RTN1: variants seen among roughly 807,000 people sequenced by gnomAD.
The protein encoded by RTN1 is reticulon 1.
Under a neutral mutation model 65.5 loss-of-function variants are expected in RTN1, and 25 were observed. The ratio of observed to expected loss-of-function variants is 0.38; its 90% CI spans 0.28 to 0.53. RTN1 has a LOEUF of 0.53. RTN1 is among the 20% of genes least tolerant of loss of function. The pLI, the probability that RTN1 is intolerant of heterozygous loss-of-function variation, is 0.79. For missense variants in RTN1, 983 were observed against 1,025.4 expected (o/e 0.96, Z 0.57); for synonymous variants, 471 against 447.6 (o/e 1.05, Z -0.66).
intron 3 of RTN1, among the ~76,000 whole-genome samples, chr14:59,624,455 ATTTTC>A (rs1241779465): frequency 1.3e-5 from 2 of 149,734 alleles, no homozygotes; most frequent in Non-Finnish European, 3.0e-5. Flanking sequence ...GAATGGCTGT[ATTTTC>A]TTTTCTTTTT....
chr14:59,657,640 G>C (rs1043398876), intron 3 of RTN1, among the ~76,000 whole-genome samples: 1 of 152,128 alleles, frequency 6.6e-6, no homozygotes, highest in African/African-American at 2.4e-5. Flanking sequence ...AAGTGCAAGG[G>C]GTCAGGGAAC....
chr14:59,867,290 G>C (rs1032753610), intron 1 of RTN1, among the ~76,000 whole-genome samples: 23 of 152,126 alleles, frequency 1.5e-4, no homozygotes, highest in African/African-American at 5.3e-4. Context: ...CAGAACAGTT[G>C]CTCTTAACAT....
rs1459672703 is a variant in RTN1, at chr14:59,749,606, T to C, written c.242-3125A>G. Among the ~76,000 whole-genome samples the C allele has an allele frequency of 3.2e-5, 2 of 61,996 alleles. 1 individual carries two copies. Among genetic ancestry groups the C allele is most frequent in the Non-Finnish European group, 4.9e-5 (2 of 40,794 alleles). The allele number at this position is 61,996 out of a possible 152,430, so 40.7% of individuals were successfully genotyped here. Reference sequence around the variant, plus strand: ...AGATATTTATATATATATCTATCTATATATATTTATATAGATATCTATATA... The same window carrying C: ...AGATATTTATATATATATCTATCTACATATATTTATATAGATATCTATATA... On this transcript the variant is annotated intron_variant, in intron 1 of 8. Transcript: ENST00000267484.
chr14:59,764,887 C>T (rs982565616), intron 1 of RTN1, among the ~76,000 whole-genome samples: 1 of 152,038 alleles, frequency 6.6e-6, no homozygotes, highest in Non-Finnish European at 1.5e-5. Context: ...AGTCAGTATT[C>T]CATGAAACGA....
At chr14:59,787,154 T>C (rs1886263088) in intron 1 of RTN1, among the ~76,000 whole-genome samples, 1 of 152,140 alleles carries the variant, frequency 6.6e-6, no homozygotes, top group South Asian at 2.1e-4. Context: ...AAGAAAATAA[T>C]GTTATAAATG....
chr14:59,815,135 A>C (rs1886796979), intron 1 of RTN1, among the ~76,000 whole-genome samples: 1 of 152,222 alleles, frequency 6.6e-6, no homozygotes, highest in East Asian at 1.9e-4. Flanking sequence ...ACTCTGAAAA[A>C]TGATTTCATT....
chr14:59,771,517 A>C (rs1386161592), intron 1 of RTN1, among the ~76,000 whole-genome samples: 1 of 152,242 alleles, frequency 6.6e-6, no homozygotes, highest in African/African-American at 2.4e-5. Context: ...AAGTCTTATC[A>C]TCAAATATTA....
chr14:59,699,948 T>C (rs1232356871), intron 3 of RTN1, among the ~76,000 whole-genome samples: 8 of 152,098 alleles, frequency 5.3e-5, no homozygotes, highest in Non-Finnish European at 1.0e-4. Context: ...AGACCAGAGA[T>C]CAGCAAACTC....
At position 59,603,255 on chromosome 14, in the gene RTN1, A is replaced by G. The variant is rs1391785722; in HGVS notation, c.2186T>C (p.Val729Ala). 6.2e-7 allele frequency: 1 copy of G among 1,612,270 alleles called. No homozygotes were observed. The highest frequency in any genetic ancestry group is 8.5e-7 in the Non-Finnish European group (1 of 1,179,268). ...TACAGGTAGAGTAAACATTGAAACC[A>G]CAGCTGGGATGAAAAACAAATATAG... ...FNGLTLLLMA[V>A]VSMFTLPVVY... The change falls in exon 7 of 9, where the codon GTG becomes GCG. Residue 729 changes from valine (V) to alanine (A), a missense_variant. Transcript: ENST00000267484.
intron 2 of RTN1, among the ~76,000 whole-genome samples, chr14:59,732,254 G>A (rs1884914145): frequency 6.6e-6 from 1 of 152,226 alleles, no homozygotes. Context: ...CAGGCCCCTG[G>A]TCATGGAAGG....
intron 3 of RTN1, among the ~76,000 whole-genome samples, chr14:59,622,122 G>T (rs931469046): frequency 2.0e-5 from 3 of 152,090 alleles, no homozygotes; most frequent in African/African-American, 7.2e-5. Context: ...GATCATCTGA[G>T]GTCAAGAGTT....
chr14:59,856,527 C>T (rs1887611007), intron 1 of RTN1, among the ~76,000 whole-genome samples: 1 of 152,174 alleles, frequency 6.6e-6, no homozygotes, highest in Non-Finnish European at 1.5e-5. Flanking sequence ...CTCATTCCAG[C>T]TGGTCCCCAC....
chr14:59,773,984 A>T (rs1250114395), intron 1 of RTN1, among the ~76,000 whole-genome samples: 2 of 152,166 alleles, frequency 1.3e-5, no homozygotes, highest in African/African-American at 4.8e-5. Context: ...TCTCTCTTTC[A>T]TGTGATTAGA....
chr14:59,749,134 A>ATCTATATCTATC, intron 1 of RTN1, among the ~76,000 whole-genome samples: 1 of 64,938 alleles, frequency 1.5e-5, no homozygotes, highest in Non-Finnish European at 2.7e-5. Flanking sequence ...AGATATATCT[A>ATCTATATCTATC]TATCTATCTA....
chr14:59,749,506 TATAG>T lies in RTN1; in HGVS notation c.242-3029_242-3026del, dbSNP rs576441439. 7.5e-4 allele frequency among the ~76,000 whole-genome samples: 45 copies of T among 59,828 alleles called. 3 individuals carry two copies. The highest frequency in any genetic ancestry group is 3.9e-3 in the African/African-American group (39 of 10,082). The allele number at this position is 59,828 out of a possible 152,430, so 39.2% of individuals were successfully genotyped here. Reference sequence around the variant, plus strand: ...CTATATATATCTATATATATCTATATATAGATATCTATATATTTATATATATCTA... The same window carrying T: ...CTATATATATCTATATATATCTATATATATCTATATATTTATATATATCTA... On this transcript the variant is annotated intron_variant, in intron 1 of 8. Transcript: ENST00000267484.
intron 1 of RTN1, among the ~76,000 whole-genome samples, chr14:59,861,807 T>G (rs1375519985): frequency 6.6e-6 from 1 of 152,228 alleles, no homozygotes; most frequent in East Asian, 1.9e-4. Flanking sequence ...TCTTTTCTTT[T>G]GGATAAAAAT....
At chr14:59,642,410 C>T (rs892953170) in intron 3 of RTN1, among the ~76,000 whole-genome samples, 1 of 152,074 alleles carries the variant, frequency 6.6e-6, no homozygotes, top group Admixed American at 6.6e-5. Flanking sequence ...CCTTCCGACC[C>T]ATTTTCTTTT....
At chr14:59,631,209 A>G (rs1404812637) in intron 3 of RTN1, among the ~76,000 whole-genome samples, 1 of 152,242 alleles carries the variant, frequency 6.6e-6, no homozygotes, top group Non-Finnish European at 1.5e-5. Context: ...ACTGGAGAGA[A>G]AGCCTACTGC....
chr14:59,648,145 A>G (rs546672752), intron 3 of RTN1, among the ~76,000 whole-genome samples: 2 of 152,314 alleles, frequency 1.3e-5, no homozygotes, highest in South Asian at 4.1e-4. Flanking sequence ...ATTACAGACT[A>G]TTATGAACAC....
Sources: gnomAD v4.1 joint callset for allele counts (sites outside exome capture counted in the v4.1 genomes callset) on GRCh38, gnomAD v4.1.1 for gene constraint, MANE v1.5 for transcripts, NCBI Gene and HGNC (gene_info 2026-07-23, HGNC 2026-07-21) for gene names.